ARHGEF4: variants seen among roughly 807,000 people sequenced by gnomAD.
The protein encoded by ARHGEF4 is Rho guanine nucleotide exchange factor 4, also known as APC-stimulated guanine nucleotide exchange factor 1.
A neutral mutation model predicts 162.0 loss-of-function variants in ARHGEF4; 119 were observed. The ratio of observed to expected loss-of-function variants is 0.73; its 90% CI spans 0.63 to 0.86. The LOEUF (loss-of-function observed/expected upper bound fraction) is 0.86, where lower values mean the gene tolerates loss of function less well. Ranked by LOEUF, ARHGEF4 falls within the 40% of genes least tolerant of loss-of-function variation. The probability of loss-of-function intolerance (pLI) is 0.00; values close to 1 mark genes in which losing one functional copy is unlikely to be tolerated. For synonymous variants in ARHGEF4, 1,014 were observed against 979.9 expected (o/e 1.03, Z -0.65); for missense variants, 2,488 against 2,456.0 (o/e 1.01, Z -0.28).
intron 4 of ARHGEF4, among the ~76,000 whole-genome samples, chr2:131,007,639 C>G (rs1558842867): frequency 6.6e-6 from 1 of 151,688 alleles, no homozygotes; most frequent in Non-Finnish European, 1.5e-5. Context: ...CGTATGCAAC[C>G]TTTTGTATAT....
At chr2:130,985,823 T>A (rs531214849) in intron 4 of ARHGEF4, among the ~76,000 whole-genome samples, 1 of 151,982 alleles carries the variant, frequency 6.6e-6, no homozygotes, top group East Asian at 1.9e-4. Flanking sequence ...TGTGTATATG[T>A]TGTGTGTGTT....
chr2:130,933,092 G>C (rs576689699), intron 3 of ARHGEF4, among the ~76,000 whole-genome samples: 1 of 152,102 alleles, frequency 6.6e-6, no homozygotes, highest in African/African-American at 2.4e-5. Context: ...GCACGCACCT[G>C]TACTCCCAGC....
At chr2:130,846,746 C>T (rs1015169783) in intron 1 of ARHGEF4, among the ~76,000 whole-genome samples, 2 of 152,158 alleles carry the variant, frequency 1.3e-5, no homozygotes, top group African/African-American at 4.8e-5. Flanking sequence ...AGCTGGGACA[C>T]TCAGGCAGCT....
chr2:130,871,546 T>C (rs1002673290), intron 1 of ARHGEF4, among the ~76,000 whole-genome samples: 2 of 149,232 alleles, frequency 1.3e-5, no homozygotes, highest in African/African-American at 5.0e-5. Context: ...CAAAAAAATA[T>C]ATATATATAC....
At chr2:130,873,420 C>T (rs1202522879) in intron 1 of ARHGEF4, among the ~76,000 whole-genome samples, 1 of 152,014 alleles carries the variant, frequency 6.6e-6, no homozygotes, top group Non-Finnish European at 1.5e-5. Context: ...GAAACCTCTT[C>T]TCTACTAAAA....
intron 2 of ARHGEF4, among the ~76,000 whole-genome samples, chr2:130,923,592 G>T (rs1682029169): frequency 6.6e-6 from 1 of 152,212 alleles, no homozygotes; most frequent in African/African-American, 2.4e-5. Context: ...AATACAGCAG[G>T]ATGTCCGTCC....
chr2:130,992,343 G>T (rs530317188), intron 4 of ARHGEF4, among the ~76,000 whole-genome samples: 1 of 151,490 alleles, frequency 6.6e-6, no homozygotes, highest in Non-Finnish European at 1.5e-5. Flanking sequence ...AATAAATCTT[G>T]CTACTGCTCA....
intron 4 of ARHGEF4, among the ~76,000 whole-genome samples, chr2:131,022,134 T>C (rs1275784454): frequency 1.3e-5 from 2 of 152,212 alleles, no homozygotes; most frequent in Non-Finnish European, 2.9e-5. Flanking sequence ...TTTGTCTGGG[T>C]TTATTATCAA....
chr2:130,944,983 C>G (rs188910060), intron 3 of ARHGEF4, among the ~76,000 whole-genome samples: 5 of 152,256 alleles, frequency 3.3e-5, no homozygotes, highest in African/African-American at 1.2e-4. Context: ...GTCAGTTTGT[C>G]AGTTCAGGTT....
chr2:130,918,553 C>T (rs925359690), intron 2 of ARHGEF4, among the ~76,000 whole-genome samples: 3 of 152,202 alleles, frequency 2.0e-5, no homozygotes, highest in Non-Finnish European at 2.9e-5. Flanking sequence ...GCCTCTCGGG[C>T]GCTCCCCTCC....
intron 2 of ARHGEF4, among the ~76,000 whole-genome samples, chr2:130,928,784 A>C (rs1358829739): frequency 2.0e-5 from 3 of 152,120 alleles, no homozygotes; most frequent in African/African-American, 7.2e-5. Context: ...TCTTTTGGGA[A>C]TACAACGAAG....
At chr2:130,908,268 A>G (rs1465449090) in intron 1 of ARHGEF4, among the ~76,000 whole-genome samples, 2 of 152,216 alleles carry the variant, frequency 1.3e-5, no homozygotes, top group Non-Finnish European at 2.9e-5. Context: ...TTGTCAGTGT[A>G]TAGAAATGCT....
At chr2:131,026,897 C>A (rs1253198055) in intron 4 of ARHGEF4, among the ~76,000 whole-genome samples, 3 of 152,160 alleles carry the variant, frequency 2.0e-5, no homozygotes, top group Non-Finnish European at 4.4e-5. Context: ...TGATTTTCCC[C>A]AACTGGACAA....
intron 1 of ARHGEF4, among the ~76,000 whole-genome samples, chr2:130,893,050 C>A (rs911365965): frequency 1.3e-5 from 2 of 152,248 alleles, no homozygotes; most frequent in African/African-American, 4.8e-5. Context: ...GCGTGCAAAG[C>A]CCCTGCACCT....
At position 130,944,745 on chromosome 2, in the gene ARHGEF4, G is replaced by A. The variant is rs566389655; in HGVS notation, c.3859-1764G>A. On this transcript the variant is annotated intron_variant, in intron 3 of 13. Coordinates refer to ENST00000409359, the MANE Select transcript of ARHGEF4 (RefSeq NM_001367493.1). ...TAATTCCAACAACTGTGTCTTCTTG[G>A]TGTTGCCATTGTTGACTATCTTTTC... 5.3e-5 allele frequency among the ~76,000 whole-genome samples: 8 copies of A among 152,098 alleles called. No homozygotes were observed. In the East Asian group the frequency reaches 1.2e-3, roughly 22 times the overall value.
chr2:130,846,701 A>G (rs1453188833), intron 1 of ARHGEF4, among the ~76,000 whole-genome samples: 2 of 152,084 alleles, frequency 1.3e-5, no homozygotes, highest in East Asian at 1.9e-4. Flanking sequence ...TAGCAGAAGG[A>G]GGAAGGAAGC....
rs1331378961 is a variant in ARHGEF4, at chr2:130,917,299, T to C, written c.3353T>C (p.Val1118Ala). The C allele has an allele frequency of 6.5e-7, 1 of 1,550,340 alleles. No individual in the cohort carries two copies. The highest frequency in any genetic ancestry group is 1.4e-5 in the African/African-American group (1 of 72,990). ...YPGRGSAISM[V>A]SLGSYSYVDS... Reference sequence around the variant, plus strand: ...GGGAGGGGTAGCGCCATCTCCATGGTTTCTCTTGGAAGCTACAGCTACGTG... The same window carrying C: ...GGGAGGGGTAGCGCCATCTCCATGGCTTCTCTTGGAAGCTACAGCTACGTG... Residue 1118 changes from valine (V) to alanine (A), a missense_variant, in exon 2 of 14, where the codon GTT (valine) becomes GCT (alanine). Transcript: ENST00000409359.
Position 130,915,993 on chromosome 2 carries a change from ACAC to A in ARHGEF4, c.2050_2052del (p.Pro684del). The A allele has an allele frequency of 1.3e-6, 2 of 1,550,458 alleles. No individual in the cohort carries two copies. The highest frequency in any genetic ancestry group is 1.7e-6 in the Non-Finnish European group (2 of 1,146,958). On this transcript the variant is annotated inframe_deletion, in exon 2 of 14. Transcript: ENST00000409359. Reference sequence around the variant, plus strand: ...CTGTGAGTCTCCCACTAGGGGGAAAACACCAGCCGGTAATGAGTGTGAGTTGCC... The same window carrying A: ...CTGTGAGTCTCCCACTAGGGGGAAAACAGCCGGTAATGAGTGTGAGTTGCC...
At chr2:130,927,816 T>C (rs1446064861) in intron 2 of ARHGEF4, among the ~76,000 whole-genome samples, 2 of 152,248 alleles carry the variant, frequency 1.3e-5, no homozygotes, top group East Asian at 1.9e-4. Context: ...CGTATCTTTG[T>C]TTTATACATA....
Sources: allele counts gnomAD v4.1 joint callset (sites outside exome capture counted in the v4.1 genomes callset), GRCh38; gene constraint gnomAD v4.1.1; transcripts MANE v1.5; gene names NCBI Gene and HGNC (gene_info 2026-07-23, HGNC 2026-07-21).